PHIP: variants seen among roughly 807,000 people sequenced by gnomAD.
The protein encoded by PHIP is PH-interacting protein.
In PHIP, 54 loss-of-function variants were observed where a neutral mutation model predicts 236.8. That is an observed-to-expected ratio of 0.23 (90% confidence interval 0.18 to 0.29). PHIP has a LOEUF of 0.29. Ranked by LOEUF, PHIP falls within the 10% of genes least tolerant of loss-of-function variation. The pLI is 1.00. For synonymous variants in PHIP, 756 were observed against 718.9 expected (o/e 1.05, Z -0.83); for missense variants, 1,370 against 2,190.8 (o/e 0.63, Z 7.48).
At chr6:78,980,278 A>T (rs1205804018) in intron 23 of PHIP, among the ~76,000 whole-genome samples, 1 of 152,022 alleles carries the variant, frequency 6.6e-6, no homozygotes, top group Non-Finnish European at 1.5e-5. Flanking sequence ...TATGCTTTAA[A>T]GAATAGACCC....
At chr6:79,077,388 A>G in intron 4 of PHIP, 60 bp downstream of exon 4, 1 of 1,430,216 alleles carries the variant, frequency 7.0e-7, no homozygotes, top group Non-Finnish European at 9.8e-7. Flanking sequence ...AATTGCGGGA[A>G]ATTCAATTTT....
At chr6:78,954,691 G>C in intron 35 of PHIP, 123 bp downstream of exon 35, 1 of 633,646 alleles carries the variant, frequency 1.6e-6, no homozygotes, top group Non-Finnish European at 2.6e-6. Flanking sequence ...TGGATAATGA[G>C]AACATGTATA....
At chr6:79,016,386 A>T (rs955110192) in intron 13 of PHIP, among the ~76,000 whole-genome samples, 158 bp downstream of exon 13, 1 of 151,988 alleles carries the variant, frequency 6.6e-6, no homozygotes, top group African/African-American at 2.4e-5. Context: ...ATTTCATAAA[A>T]ATCAACACTG....
intron 23 of PHIP, among the ~76,000 whole-genome samples, chr6:78,979,641 G>GA (rs1422140919): frequency 6.6e-6 from 1 of 151,590 alleles, no homozygotes; most frequent in East Asian, 1.9e-4. Context: ...TTAGACTCAG[G>GA]AAAAAAATGA....
intron 13 of PHIP, 60 bp from the exon 14 acceptor site, chr6:79,015,843 A>G: frequency 8.9e-7 from 1 of 1,124,568 alleles, no homozygotes; most frequent in Non-Finnish European, 1.3e-6. Flanking sequence ...AAAAACCAAA[A>G]CATATAATCT....
chr6:78,955,330 T>C (rs1198049046), intron 33 of PHIP, 48 bp from the exon 34 acceptor site: 1 of 1,313,698 alleles, frequency 7.6e-7, no homozygotes, highest in African/African-American at 1.5e-5. Flanking sequence ...TAGATGTCAT[T>C]ATACTTTATA....
intron 31 of PHIP, among the ~76,000 whole-genome samples, chr6:78,960,159 A>G (rs542786132): frequency 1.3e-5 from 2 of 152,188 alleles, no homozygotes; most frequent in East Asian, 3.8e-4. Context: ...TATCCCTTTC[A>G]TATCACTGTA....
intron 6 of PHIP, among the ~76,000 whole-genome samples, chr6:79,043,825 C>T (rs1447241573): frequency 1.4e-5 from 2 of 147,100 alleles, no homozygotes; most frequent in Admixed American, 6.8e-5. Context: ...TCTTCTAATA[C>T]AGGCTTTTTT....
At chr6:79,068,155 G>C (rs980148840) in intron 4 of PHIP, 4 of 152,356 alleles carry the variant, frequency 2.6e-5, no homozygotes, top group African/African-American at 9.7e-5. Flanking sequence ...TTAAAGAAAT[G>C]GTCAGTAGTT....
chr6:78,957,459 A>G (rs1766498373), intron 32 of PHIP: 1 of 151,904 alleles, frequency 6.6e-6, no homozygotes, highest in African/African-American at 2.4e-5. Context: ...ACTTTACCTT[A>G]TTAATTATGT....
chr6:78,975,588 C>G (rs2127712247), intron 24 of PHIP, among the ~76,000 whole-genome samples: 1 of 152,306 alleles, frequency 6.6e-6, no homozygotes, highest in Non-Finnish European at 1.5e-5. Context: ...CAAATTGTCC[C>G]TGTTTGCAGA....
chr6:79,058,949 T>C (rs1773212113), intron 6 of PHIP, among the ~76,000 whole-genome samples: 1 of 152,226 alleles, frequency 6.6e-6, no homozygotes, highest in African/African-American at 2.4e-5. Flanking sequence ...TATACCACCT[T>C]AGAATACTTT....
At chr6:78,959,142 C>T (rs945248505) in intron 31 of PHIP, among the ~76,000 whole-genome samples, 2 of 152,064 alleles carry the variant, frequency 1.3e-5, no homozygotes, top group African/African-American at 2.4e-5. Context: ...ATTTTCTGAA[C>T]ACTTAATTGA....
At chr6:79,031,971 G>C (rs193273073) in intron 7 of PHIP, among the ~76,000 whole-genome samples, 1 of 152,308 alleles carries the variant, frequency 6.6e-6, no homozygotes, top group Admixed American at 6.5e-5. Context: ...CGCAGGCTCA[G>C]TTCCAGACCA....
chr6:78,960,501 C>T (rs1766705067), intron 31 of PHIP, among the ~76,000 whole-genome samples: 1 of 146,726 alleles, frequency 6.8e-6, no homozygotes, highest in Admixed American at 6.9e-5. Context: ...TTGAAAAAGA[C>T]TTGAAGAATG....
intron 6 of PHIP, among the ~76,000 whole-genome samples, chr6:79,056,669 C>T (rs1773090584): frequency 6.6e-6 from 1 of 152,062 alleles, no homozygotes; most frequent in Admixed American, 6.6e-5. Context: ...GGAAAGCTGC[C>T]TACATCCAGG....
Position 78,939,398 on chromosome 6 carries a change from C to G in PHIP, c.*1295G>C, listed in dbSNP as rs1246926981. 1.3e-5 allele frequency: 2 copies of G among 151,608 alleles called. No individual in the cohort carries two copies. Among genetic ancestry groups the G allele is most frequent in the Admixed American group, 6.6e-5 (1 of 15,232 alleles). The allele number at this position is 151,608 out of a possible 1,614,324, so 9.4% of individuals were successfully genotyped here. On this transcript the variant is annotated 3_prime_UTR_variant, in exon 40 of 40. Transcript: ENST00000275034. Reference sequence around the variant, plus strand: ...GAAAAAACACAATGTGCAATGAGACCACTGTATAAAACATGATTGCATAAA... The same window carrying G: ...GAAAAAACACAATGTGCAATGAGACGACTGTATAAAACATGATTGCATAAA...
chr6:79,015,459 A>C (rs575566648), intron 14 of PHIP, among the ~76,000 whole-genome samples, 171 bp downstream of exon 14: 1 of 151,958 alleles, frequency 6.6e-6, no homozygotes, highest in South Asian at 2.1e-4. Context: ...TATATTTCCA[A>C]GCCAAACCTG....
rs1773251651 is a variant in PHIP, at chr6:78,935,746, C to T, written c.*4947G>A. ...GGAAACTCTAATGAACCAGCATTTA[C>T]ATAATGGTATCTGCCATATGACCAC... On this transcript the variant is annotated 3_prime_UTR_variant, in exon 40 of 40. Transcript: ENST00000275034. The T allele has an allele frequency of 1.0e-5, 10 of 985,224 alleles. No individual in the cohort carries two copies. The highest frequency in any genetic ancestry group is 1.2e-5 in the Non-Finnish European group (10 of 829,770). The allele number at this position is 985,224 out of a possible 1,614,324, so 61.0% of individuals were successfully genotyped here.
Sources: gnomAD v4.1 joint callset for allele counts (sites outside exome capture counted in the v4.1 genomes callset) on GRCh38, gnomAD v4.1.1 for gene constraint, MANE v1.5 for transcripts, NCBI Gene and HGNC (gene_info 2026-07-23, HGNC 2026-07-21) for gene names.